CDKL1: variants seen among roughly 807,000 people sequenced by gnomAD.
The protein encoded by CDKL1 is cyclin dependent kinase like 1, also known as cyclin-dependent kinase-like 1.
In CDKL1, 41 loss-of-function variants were observed where a neutral mutation model predicts 42.0. The observed-to-expected ratio is 0.98, with a 90% CI of 0.76 to 1.27. The LOEUF is 1.27. CDKL1 is among the 50% of genes most tolerant of loss of function. CDKL1 has a pLI of 0.00. For missense variants in CDKL1, 394 were observed against 428.4 expected (o/e 0.92, Z 0.71); for synonymous variants, 153 against 158.6 (o/e 0.96, Z 0.26).
intron 2 of CDKL1, among the ~76,000 whole-genome samples, chr14:50,366,483 C>T (rs936534864): frequency 3.3e-5 from 5 of 152,140 alleles, no homozygotes; most frequent in East Asian, 1.9e-4. Flanking sequence ...TTGCAGGCCA[C>T]GCTAAGCAAT....
At chr14:50,377,707 TG>T in intron 2 of CDKL1, 1 of 1,307,652 alleles carries the variant, frequency 7.6e-7, no homozygotes, top group South Asian at 1.3e-5. Context: ...TGGTTTTGAA[TG>T]GGGTGTAAGC....
intron 2 of CDKL1, among the ~76,000 whole-genome samples, chr14:50,385,395 C>T (rs546410677): frequency 2.6e-5 from 4 of 152,184 alleles, no homozygotes; most frequent in South Asian, 2.1e-4. Flanking sequence ...TAGTCTAAGT[C>T]GAGGCACATT....
chr14:50,343,015 C>T (rs2033603179), intron 4 of CDKL1: 2 of 1,353,616 alleles, frequency 1.5e-6, no homozygotes, highest in Non-Finnish European at 2.0e-6. Flanking sequence ...ACTCAAATCA[C>T]CTGTGGTTTC....
At chr14:50,364,204 T>C (rs2034373201) in intron 2 of CDKL1, among the ~76,000 whole-genome samples, 1 of 152,230 alleles carries the variant, frequency 6.6e-6, no homozygotes, top group Non-Finnish European at 1.5e-5. Flanking sequence ...GCGTGGTGAC[T>C]CATGCCTGTA....
At chr14:50,383,842 G>A (rs1048409912) in intron 2 of CDKL1, among the ~76,000 whole-genome samples, 1 of 152,102 alleles carries the variant, frequency 6.6e-6, no homozygotes. Flanking sequence ...AGAAGGTAAC[G>A]AGCCAGCTTG....
intron 3 of CDKL1, chr14:50,358,237 G>A (rs2034117556): frequency 3.4e-6 from 3 of 887,168 alleles, no homozygotes; most frequent in Non-Finnish European, 3.0e-6. Context: ...TTTCACCTAT[G>A]CTTGCTTCAG....
chr14:50,372,974 C>T (rs2034630962), intron 2 of CDKL1, among the ~76,000 whole-genome samples: 1 of 151,944 alleles, frequency 6.6e-6, no homozygotes, highest in African/African-American at 2.4e-5. Context: ...AGTGTGATGG[C>T]TCCAGCTTTG....
In CDKL1 at chr14:50,334,586, A is replaced by C; in HGVS notation, c.774T>G (p.Tyr258Ter). The C allele has an allele frequency of 6.2e-7, 1 of 1,605,516 alleles. No individual in the cohort carries two copies. The highest frequency in any genetic ancestry group is 8.5e-7 in the Non-Finnish European group (1 of 1,172,224). ...PLELKFPNIS[Y>*]PALGLLKGCL... The stretch of plus-strand genomic sequence containing the variant: ...TTACCTTTAGGAGCCCCAGGGCAGG[A>C]TAAGAGATGTTTGGGAATTTTAATT... The change falls in exon 8 of 10, where the codon TAT (tyrosine) becomes TAG (stop). Residue 258 changes from tyrosine (Y) to a stop codon, truncating the protein, a stop_gained. Coordinates refer to ENST00000395834, the MANE Select transcript of CDKL1 (RefSeq NM_004196.7). LOFTEE classifies it high-confidence loss of function.
chr14:50,346,652 G>GTT (rs796264788), intron 3 of CDKL1, among the ~76,000 whole-genome samples: 1,592 of 142,002 alleles, frequency 0.011, 57 homozygotes, highest in African/African-American at 0.039. Flanking sequence ...TAAATTTTTG[G>GTT]TTTTTTTTTT....
Position 50,330,101 on chromosome 14 carries a change from T to G in CDKL1, c.1047A>C (p.Lys349Asn). The change falls in exon 10 of 10, where the codon AAA becomes AAC. Residue 349 changes from lysine to asparagine, a missense_variant. Transcript: ENST00000395834. ...DNKKYYCDTK[K>N]LNYRFPNI is the part of the protein sequence containing the mutation. Reference sequence around the variant, plus strand: ...AAATGTTTGGAAAACGGTAGTTAAGTTTCTTGGTATCACAGTAGTACTTCT... The same window carrying G: ...AAATGTTTGGAAAACGGTAGTTAAGGTTCTTGGTATCACAGTAGTACTTCT... The G allele has an allele frequency of 6.2e-7, 1 of 1,609,920 alleles. No homozygotes were observed. The highest frequency in any genetic ancestry group is 8.5e-7 in the Non-Finnish European group (1 of 1,179,128).
chr14:50,351,541 C>T (rs777755784), intron 3 of CDKL1, among the ~76,000 whole-genome samples: 7 of 151,890 alleles, frequency 4.6e-5, no homozygotes, highest in Non-Finnish European at 8.8e-5. Flanking sequence ...TGAGACCAGC[C>T]TGGGCAACAT....
At chr14:50,341,677 A>T (rs979706991) in intron 5 of CDKL1, among the ~76,000 whole-genome samples, 1 of 151,414 alleles carries the variant, frequency 6.6e-6, no homozygotes, top group Non-Finnish European at 1.5e-5. Context: ...GCAATTCAGG[A>T]GGCTGAGGTG....
At chr14:50,335,478 C>T (rs1269430813) in intron 7 of CDKL1, 3 of 1,535,958 alleles carry the variant, frequency 2.0e-6, no homozygotes, top group Non-Finnish European at 1.7e-6. Flanking sequence ...TAAACAGTCT[C>T]CTGTGGGGCA....
intron 3 of CDKL1, chr14:50,357,962 G>A (rs1198056530): frequency 2.2e-6 from 2 of 911,604 alleles, no homozygotes; most frequent in Non-Finnish European, 3.2e-6. Flanking sequence ...CACTACCTAC[G>A]TTGCCCTGCC....
chr14:50,393,247 A>G (rs370878768), intron 2 of CDKL1, among the ~76,000 whole-genome samples: 2 of 152,210 alleles, frequency 1.3e-5, no homozygotes, highest in East Asian at 3.9e-4. Flanking sequence ...GCAAGGGTAC[A>G]CATGCCCTGC....
Position 50,330,457 on chromosome 14 carries a change from T to G in CDKL1, c.967-276A>C, listed in dbSNP as rs2032874324. The G allele has an allele frequency of 1.9e-5, 6 of 318,794 alleles. No homozygotes were observed. The South Asian group carries it at 2.4e-4, about 13-fold the overall frequency. The allele number at this position is 318,794 out of a possible 1,614,324, so 19.7% of individuals were successfully genotyped here. A position where few individuals can be genotyped will look rare whatever the true frequency, so the allele number is the denominator to read the frequency against. Reference sequence around the variant, plus strand: ...TGTTAACATTATTGGGAAGAAAACATAGATTTACAGGAGTTGAGAGCTTGC... The same window carrying G: ...TGTTAACATTATTGGGAAGAAAACAGAGATTTACAGGAGTTGAGAGCTTGC... On this transcript the variant is annotated intron_variant, in intron 9 of 9. Transcript: ENST00000395834.
intron 7 of CDKL1, among the ~76,000 whole-genome samples, chr14:50,337,042 C>T (rs1297763869): frequency 2.0e-5 from 3 of 151,880 alleles, no homozygotes; most frequent in Non-Finnish European, 4.4e-5. Context: ...GGAATCTGGC[C>T]CTGTTGCCCA....
chr14:50,335,838 C>T (rs2033239367), intron 7 of CDKL1: 1 of 985,040 alleles, frequency 1.0e-6, no homozygotes, highest in Admixed American at 6.2e-5. Flanking sequence ...TCCCAATAAC[C>T]AATTCTGGAT....
chr14:50,343,931 A>T (rs2033640353), intron 4 of CDKL1, among the ~76,000 whole-genome samples: 1 of 152,194 alleles, frequency 6.6e-6, no homozygotes, highest in Non-Finnish European at 1.5e-5. Flanking sequence ...TCCTTCCGGG[A>T]ATGCAGCATC....
Sources: gnomAD v4.1 joint callset for allele counts (sites outside exome capture counted in the v4.1 genomes callset) on GRCh38, gnomAD v4.1.1 for gene constraint, MANE v1.5 for transcripts, NCBI Gene and HGNC (gene_info 2026-07-23, HGNC 2026-07-21) for gene names.